Variants in SOX5 observed in about 807,000 individuals in gnomAD.
The protein encoded by SOX5 is SRY-box transcription factor 5.
A neutral mutation model predicts 92.0 loss-of-function variants in SOX5; 9 were observed. The ratio of observed to expected loss-of-function variants is 0.10; its 90% CI spans 0.06 to 0.17. SOX5 has a LOEUF of 0.17. SOX5 is among the 10% of genes least tolerant of loss of function. SOX5 has a pLI of 1.00. For synonymous variants in SOX5, 344 were observed against 336.3 expected (o/e 1.02, Z -0.25); for missense variants, 642 against 944.5 (o/e 0.68, Z 4.20).
chr12:23,875,919 T>C (rs1485980495), intron 2 of SOX5, among the ~76,000 whole-genome samples: 2 of 152,204 alleles, frequency 1.3e-5, no homozygotes, highest in Non-Finnish European at 2.9e-5. Context: ...ATCGGGCCTC[T>C]ATTGGAAATA....
At chr12:23,987,621 C>T (rs955646684) in intron 4 of SOX5, among the ~76,000 whole-genome samples, 6 of 152,100 alleles carry the variant, frequency 3.9e-5, no homozygotes, top group African/African-American at 1.4e-4. Flanking sequence ...AGCAAAACCC[C>T]ATCTCTACAA....
At chr12:24,029,561 C>T (rs1483796335) in intron 4 of SOX5, among the ~76,000 whole-genome samples, 3 of 151,036 alleles carry the variant, frequency 2.0e-5, no homozygotes, top group Admixed American at 6.6e-5. Flanking sequence ...AGGCATAAAC[C>T]ACTGAGCCCA....
intron 1 of SOX5, among the ~76,000 whole-genome samples, chr12:24,406,376 G>T (rs1962957799): frequency 6.7e-6 from 1 of 148,532 alleles, no homozygotes. Flanking sequence ...GTGATCAACT[G>T]AGAGTCAGTG....
chr12:23,540,693 C>T (rs566231392), intron 13 of SOX5, among the ~76,000 whole-genome samples: 1 of 152,204 alleles, frequency 6.6e-6, no homozygotes, highest in East Asian at 1.9e-4. Context: ...AAGGTGATTC[C>T]TTATGTTAAC....
chr12:23,561,913 T>A (rs941214361), intron 11 of SOX5, among the ~76,000 whole-genome samples: 3 of 152,140 alleles, frequency 2.0e-5, no homozygotes, highest in East Asian at 3.8e-4. Context: ...GCAATTTAGC[T>A]ATGCTTGCGA....
At chr12:23,586,926 A>G (rs1377888094) in intron 9 of SOX5, among the ~76,000 whole-genome samples, 1 of 149,750 alleles carries the variant, frequency 6.7e-6, no homozygotes, top group Non-Finnish European at 1.5e-5. Context: ...ATTATATATT[A>G]TATATTTTTT....
At position 24,226,106 on chromosome 12, in the gene SOX5, T is replaced by C. The variant is rs569362106; in HGVS notation, c.-76-12689A>G. Among the ~76,000 whole-genome samples, 4 of 152,312 alleles carry C rather than the reference T, an allele frequency of 2.6e-5. No homozygotes were observed. The South Asian group carries it at 8.3e-4, about 32-fold the overall frequency. ...TTACCATTGGGCTTTCCATCCAAGT[T>C]AATATCTAACATCTCAGATATGTTC... On this transcript the variant is annotated intron_variant, in intron 3 of 4. Transcript: ENST00000446891.
chr12:23,672,503 G>A (rs1482957323), intron 6 of SOX5, among the ~76,000 whole-genome samples: 1 of 152,020 alleles, frequency 6.6e-6, no homozygotes, highest in African/African-American at 2.4e-5. Context: ...GTATAAAGAA[G>A]GCAAGAAGCA....
At chr12:24,172,191 G>C (rs913022811) in intron 4 of SOX5, among the ~76,000 whole-genome samples, 2 of 151,974 alleles carry the variant, frequency 1.3e-5, no homozygotes, top group Non-Finnish European at 2.9e-5. Context: ...AAACCCTGGA[G>C]AGTCCCAGGA....
intron 12 of SOX5, among the ~76,000 whole-genome samples, chr12:23,543,602 G>A (rs1942539453): frequency 6.6e-6 from 1 of 152,132 alleles, no homozygotes; most frequent in African/African-American, 2.4e-5. Flanking sequence ...TTTCTAATCT[G>A]TTTTCTCTTT....
chr12:23,942,717 C>T (rs1943894343), intron 1 of SOX5, among the ~76,000 whole-genome samples: 2 of 149,996 alleles, frequency 1.3e-5, no homozygotes, highest in African/African-American at 2.4e-5. Flanking sequence ...TACACTTACT[C>T]TCAATGCATC....
At chr12:24,094,355 C>T (rs905688058) in intron 4 of SOX5, among the ~76,000 whole-genome samples, 2 of 151,884 alleles carry the variant, frequency 1.3e-5, no homozygotes, top group East Asian at 3.9e-4. Flanking sequence ...TTACCTTTGT[C>T]TGTTTTGCTA....
intron 1 of SOX5, among the ~76,000 whole-genome samples, chr12:23,947,152 T>C (rs1294023491): frequency 7.2e-5 from 11 of 151,914 alleles, no homozygotes; most frequent in Admixed American, 7.2e-4. Flanking sequence ...CATAAAACTT[T>C]TACAGTACAT....
At chr12:24,049,716 C>A (rs1363555321) in intron 4 of SOX5, among the ~76,000 whole-genome samples, 1 of 126,504 alleles carries the variant, frequency 7.9e-6, no homozygotes, top group Non-Finnish European at 1.5e-5. Context: ...CACAGAATAG[C>A]AGATTTATGA....
intron 2 of SOX5, among the ~76,000 whole-genome samples, chr12:24,308,815 T>C (rs1196575321): frequency 1.3e-5 from 2 of 152,184 alleles, no homozygotes; most frequent in African/African-American, 2.4e-5. Flanking sequence ...AACGTCTACC[T>C]ATGGAAAATT....
At chr12:23,863,032 T>C (rs954718373) in intron 2 of SOX5, among the ~76,000 whole-genome samples, 7 of 152,184 alleles carry the variant, frequency 4.6e-5, no homozygotes, top group African/African-American at 1.7e-4. Flanking sequence ...GTTTCTTGAG[T>C]GTGGTAGAAT....
intron 4 of SOX5, among the ~76,000 whole-genome samples, chr12:24,061,274 C>T (rs967204295): frequency 2.0e-5 from 3 of 152,044 alleles, no homozygotes; most frequent in East Asian, 1.9e-4. Context: ...ATAAGTATCC[C>T]GTAAGTATTA....
At chr12:24,247,990 C>T (rs1368833779) in intron 3 of SOX5, among the ~76,000 whole-genome samples, 1 of 152,018 alleles carries the variant, frequency 6.6e-6, no homozygotes, top group East Asian at 1.9e-4. Context: ...TTAAAAACAC[C>T]AGAGACATTT....
chr12:23,577,172 C>CATATAT (rs1565972314), intron 9 of SOX5, among the ~76,000 whole-genome samples: 2 of 85,212 alleles, frequency 2.3e-5, no homozygotes, highest in South Asian at 4.0e-4. Flanking sequence ...CACACACACA[C>CATATAT]ACACATATAT....
Sources: gnomAD v4.1 joint callset for allele counts (sites outside exome capture counted in the v4.1 genomes callset) on GRCh38, gnomAD v4.1.1 for gene constraint, MANE v1.5 for transcripts, NCBI Gene and HGNC (gene_info 2026-07-23, HGNC 2026-07-21) for gene names.